PTPRS: variants seen among roughly 807,000 people sequenced by gnomAD.
The protein encoded by PTPRS is protein tyrosine phosphatase receptor type S, also known as receptor-type tyrosine-protein phosphatase S.
PTPRS carries 63 observed loss-of-function variants against 215.3 expected under a neutral mutation model. The observed-to-expected ratio is 0.29, with a 90% confidence interval of 0.24 to 0.36. The LOEUF (loss-of-function observed/expected upper bound fraction) is 0.36. PTPRS is among the 10% of genes least tolerant of loss of function. The pLI is 1.00. For synonymous variants in PTPRS, 1,404 were observed against 1,191.4 expected, an observed-to-expected ratio of 1.18 and a Z score of -3.68; for missense variants, 2,258 against 2,825.8, an observed-to-expected ratio of 0.80 and a Z score of 4.56.
intron 1 of PTPRS, among the ~76,000 whole-genome samples, chr19:5,300,019 T>C (rs1422009047): frequency 1.3e-5 from 2 of 151,848 alleles, no homozygotes; most frequent in Non-Finnish European, 2.9e-5. Context: ...AGTGGGTGGA[T>C]TGCTTGATGC....
intron 1 of PTPRS, among the ~76,000 whole-genome samples, chr19:5,304,467 C>CT (rs1441559513): frequency 6.6e-6 from 1 of 151,176 alleles, no homozygotes; most frequent in Non-Finnish European, 1.5e-5. Flanking sequence ...AAAAGAAACT[C>CT]TGTCTCAAAA....
Position 5,208,542 on chromosome 19 carries a change from C to T in PTPRS, c.5488-151G>A, listed in dbSNP as rs1013488523. The T allele has an allele frequency of 4.1e-5, 31 of 761,410 alleles. No individual in the cohort carries two copies. In the East Asian group the frequency reaches 8.0e-4, roughly 20 times the overall value. The allele number at this position is 761,410 out of a possible 1,614,324, so 47.2% of individuals were successfully genotyped here. ...TGTCGCCCAGGTTGGAGTGCAATGG[C>T]GTGATCTCGGCTCACTGCAACCTCC... is the stretch of plus-strand genomic sequence containing the variant. On this transcript the variant is annotated intron_variant, in intron 35 of 37. Transcript: ENST00000262963.
At chr19:5,301,787 T>C (rs921970237) in intron 1 of PTPRS, among the ~76,000 whole-genome samples, 6 of 150,134 alleles carry the variant, frequency 4.0e-5, no homozygotes, top group Non-Finnish European at 7.4e-5. Context: ...ATACCCCCCA[T>C]TGATTGGATG....
Position 5,257,391 on chromosome 19 carries a change from G to A in PTPRS, c.706+626C>T, listed in dbSNP as rs541559300. On this transcript the variant is annotated intron_variant, in intron 8 of 37. Coordinates refer to ENST00000262963, the MANE Select transcript of PTPRS (RefSeq NM_002850.4). This position sits in a 1 kb window ranked among gnomAD's most constrained non-coding sequence, Gnocchi z 4.4. Reference sequence around the variant, plus strand: ...CCGAGCCCCCCGGGTGCCTGTGCCCGCTGTGGCTCCAGCCTCCCATCGGCC... The same window carrying A: ...CCGAGCCCCCCGGGTGCCTGTGCCCACTGTGGCTCCAGCCTCCCATCGGCC... The A allele has an allele frequency of 7.9e-5, 36 of 456,112 alleles. No individual in the cohort carries two copies. The highest frequency in any genetic ancestry group is 3.5e-4 in the Admixed American group (15 of 42,600). 28.3% of individuals were successfully genotyped at this position (456,112 alleles called of 1,614,324 possible).
intron 13 of PTPRS, among the ~76,000 whole-genome samples, chr19:5,232,833 G>A (rs2043131352): frequency 6.6e-6 from 1 of 152,074 alleles, no homozygotes. Flanking sequence ...CACTTACTAT[G>A]TGCCAGGCAC....
chr19:5,275,068 C>A (rs2047242643), intron 2 of PTPRS, among the ~76,000 whole-genome samples: 1 of 94,552 alleles, frequency 1.1e-5, no homozygotes, highest in Non-Finnish European at 2.0e-5. Context: ...TCGTCATTTT[C>A]TTTTCTTTTT....
chr19:5,308,486 G>A (rs1341640968), intron 1 of PTPRS, among the ~76,000 whole-genome samples: 5 of 152,202 alleles, frequency 3.3e-5, no homozygotes, highest in Admixed American at 2.6e-4. Context: ...GGAAGAGAGG[G>A]AATCAGGCCC....
intron 18 of PTPRS, 100 bp downstream of exon 18, chr19:5,222,589 A>ACT: frequency 7.7e-7 from 1 of 1,305,568 alleles, no homozygotes; most frequent in Non-Finnish European, 1.0e-6. Flanking sequence ...AGGAAGCAGA[A>ACT]AAGTGAGCAC....
chr19:5,239,446 A>G (rs926136004), intron 12 of PTPRS, among the ~76,000 whole-genome samples: 3 of 151,762 alleles, frequency 2.0e-5, no homozygotes, highest in Non-Finnish European at 2.9e-5. Context: ...AGACACAGAG[A>G]CAGAGATAAA....
chr19:5,226,399 T>C (rs2145524346), intron 16 of PTPRS, among the ~76,000 whole-genome samples: 1 of 152,308 alleles, frequency 6.6e-6, no homozygotes, highest in Middle Eastern at 3.4e-3. Flanking sequence ...TTCAGGAATT[T>C]TGTGAGCCAC....
rs967348089 is a variant in PTPRS, at chr19:5,264,315, G to A, written c.568+693C>T. 2.6e-4 allele frequency among the ~76,000 whole-genome samples: 39 copies of A among 152,104 alleles called. 2 individuals are homozygous for A. Among genetic ancestry groups the A allele is most frequent in the East Asian group, 1.9e-4 (1 of 5,178 alleles). On this transcript the variant is annotated intron_variant, in intron 5 of 37. Transcript: ENST00000262963. Reference sequence around the variant, plus strand: ...GGGCCCCACTGTATTCTCACTGGACGTGCCTAATGCTTCTGTAGAGGATGC... The same window carrying A: ...GGGCCCCACTGTATTCTCACTGGACATGCCTAATGCTTCTGTAGAGGATGC...
At chr19:5,301,158 G>C (rs772034626) in intron 1 of PTPRS, among the ~76,000 whole-genome samples, 24 of 152,338 alleles carry the variant, frequency 1.6e-4, no homozygotes, top group Admixed American at 3.3e-4. Flanking sequence ...GCCACAGCCG[G>C]AGTCAGCTCT....
At chr19:5,209,142 C>T (rs2040636354) in intron 35 of PTPRS, among the ~76,000 whole-genome samples, 1 of 152,160 alleles carries the variant, frequency 6.6e-6, no homozygotes, top group South Asian at 2.1e-4. Context: ...CACCACCATC[C>T]CCTCTTGGTA....
rs959907000 is a variant in PTPRS, at chr19:5,220,478, C to T, written c.3456-125G>A. ...CTTCTGTTCATACAATGAGCCTATTCCCCTATGCCCCATCCACAAACGCCA... is the reference window on the plus strand; with the variant it reads ...CTTCTGTTCATACAATGAGCCTATTTCCCTATGCCCCATCCACAAACGCCA... On this transcript the variant is annotated intron_variant, in intron 20 of 37. Coordinates refer to ENST00000262963, the MANE Select transcript of PTPRS (RefSeq NM_002850.4). 3.4e-5 allele frequency: 27 copies of T among 788,080 alleles called. No homozygotes were observed. The Admixed American group carries it at 3.6e-4, about 10-fold the overall frequency. 48.8% of individuals were successfully genotyped at this position (788,080 alleles called of 1,614,324 possible). A position where few individuals can be genotyped will look rare whatever the true frequency, so the allele number is the denominator to read the frequency against.
chr19:5,223,439 G>A (rs1156554618), intron 17 of PTPRS, 142 bp from the exon 18 acceptor site: 5 of 1,061,788 alleles, frequency 4.7e-6, no homozygotes, highest in Non-Finnish European at 3.8e-6. Flanking sequence ...TGCCCAGCCT[G>A]GAGTGCAATG....
chr19:5,260,690 G>T, intron 7 of PTPRS, 115 bp downstream of exon 7: 2 of 1,330,578 alleles, frequency 1.5e-6, no homozygotes, highest in Non-Finnish European at 2.1e-6. Context: ...AACAAAGGTG[G>T]TGGCAGGGTG....
At chr19:5,315,418 C>T (rs1175339417) in intron 1 of PTPRS, among the ~76,000 whole-genome samples, 1 of 121,394 alleles carries the variant, frequency 8.2e-6, no homozygotes, top group Non-Finnish European at 1.6e-5. Flanking sequence ...GGCTGGAATG[C>T]AGTGACACAA....
At chr19:5,290,936 C>A (rs549877919) in intron 1 of PTPRS, among the ~76,000 whole-genome samples, 1 of 152,022 alleles carries the variant, frequency 6.6e-6, no homozygotes, top group African/African-American at 2.4e-5. Flanking sequence ...CAGCGAGGGC[C>A]CCCCTGGGCA....
chr19:5,280,314 A>G (rs1383042498), intron 2 of PTPRS, among the ~76,000 whole-genome samples: 1 of 152,204 alleles, frequency 6.6e-6, no homozygotes, highest in African/African-American at 2.4e-5. Context: ...CTGGGCTTTA[A>G]ACAAAACAGA....
Sources: gnomAD v4.1 joint callset for allele counts (sites outside exome capture counted in the v4.1 genomes callset) on GRCh38, gnomAD v4.1.1 for gene constraint, Gnocchi (gnomAD v3.1) non-coding constraint, MANE v1.5 for transcripts, NCBI Gene and HGNC (gene_info 2026-07-23, HGNC 2026-07-21) for gene names.